EIF6: variants seen among roughly 807,000 people sequenced by gnomAD.
The protein encoded by EIF6 is eukaryotic translation initiation factor 6, also known as B4 integrin interactor.
EIF6 carries 10 observed loss-of-function variants against 25.5 expected under a neutral mutation model. The observed-to-expected ratio is 0.39, with a 90% CI of 0.24 to 0.66. The LOEUF (loss-of-function observed/expected upper bound fraction) is 0.66. Among genes scored for constraint, EIF6 ranks in the 30% least tolerant of loss-of-function variants. The pLI is 0.45. For missense variants in EIF6, 246 were observed against 315.4 expected (o/e 0.78, Z 1.67); for synonymous variants, 122 against 122.6 (o/e 1.00, Z 0.03).
intron 3 of EIF6, among the ~76,000 whole-genome samples, chr20:35,282,614 T>G (rs2060785869): frequency 6.6e-6 from 1 of 151,944 alleles, no homozygotes; most frequent in African/African-American, 2.4e-5. Flanking sequence ...TGTTTTTTGT[T>G]TTTTTTTGAG....
Position 35,279,715 on chromosome 20 carries a change from A to T in EIF6, c.579T>A (p.Ile193=), listed in dbSNP as rs369759438. 1 of 1,614,046 alleles carries T rather than the reference A, an allele frequency of 6.2e-7. No homozygotes were observed. Among genetic ancestry groups the T allele is most frequent in the Non-Finnish European group, 8.5e-7 (1 of 1,180,046 alleles). ...AGTCATTCACCACCATCCCAGCAGC[A>T]ATCACCTCACTGCCTCGGTTCACAG... ...AGTVNRGSEV[I]AAGMVVNDWC... Residue 193 remains isoleucine, a synonymous_variant, in exon 6 of 7, where the codon ATT becomes ATA. Coordinates refer to ENST00000374450, the MANE Select transcript of EIF6 (RefSeq NM_002212.4).
intron 3 of EIF6, among the ~76,000 whole-genome samples, chr20:35,281,688 C>T (rs559102188): frequency 6.6e-6 from 1 of 152,012 alleles, no homozygotes; most frequent in East Asian, 2.0e-4. Flanking sequence ...TCAGGTGATC[C>T]GCCCACCTCG....
In EIF6 at chr20:35,284,663, C is replaced by T. The variant is rs1271744288; in HGVS notation, c.-6+63G>A. 6.9e-6 allele frequency: 5 copies of T among 724,414 alleles called. 1 individual carries two copies. The South Asian group carries it at 7.4e-5, about 11-fold the overall frequency. 44.9% of individuals were successfully genotyped at this position (724,414 alleles called of 1,614,324 possible). A position where few individuals can be genotyped will look rare whatever the true frequency, so the allele number is the denominator to read the frequency against. ...GAACCTCCGGCCCTGAATCCTCTGG[C>T]CCCCACCCCTCCCGACCCAGGACCG... On this transcript the variant is annotated intron_variant, in intron 1 of 6. Coordinates refer to ENST00000374450, the MANE Select transcript of EIF6 (RefSeq NM_002212.4).
chr20:35,279,778 G>C, intron 5 of EIF6, 31 bp from the exon 6 acceptor site: 4 of 1,611,258 alleles, frequency 2.5e-6, no homozygotes, highest in Non-Finnish European at 3.4e-6. Flanking sequence ...TGTGAGTCAC[G>C]GCACCAAATT....
At chr20:35,283,018 G>A (rs1253266951) in intron 3 of EIF6, among the ~76,000 whole-genome samples, 1 of 152,174 alleles carries the variant, frequency 6.6e-6, no homozygotes, top group Non-Finnish European at 1.5e-5. Context: ...CCGGCCGGGC[G>A]CAGTGGCTCA....
chr20:35,281,857 A>G (rs1235347365), intron 3 of EIF6, among the ~76,000 whole-genome samples: 2 of 152,174 alleles, frequency 1.3e-5, no homozygotes, highest in Non-Finnish European at 2.9e-5. Context: ...CACTTTAGAT[A>G]ATTATCTGGC....
rs780929702 is a variant in EIF6, at chr20:35,280,809, C to A, written c.214G>T (p.Val72Leu). Residue 72 changes from valine (V) to leucine (L), a missense_variant, in exon 4 of 7, where the codon GTA (valine) becomes TTA (leucine). Physicochemically the swap from Val to Leu is conservative, Grantham distance 32. Coordinates refer to ENST00000374450, the MANE Select transcript of EIF6 (RefSeq NM_002212.4). ...MCVGNRHGLL[V>L]PNNTTDQELQ... ...TCCTGGTCGGTGGTATTGTTGGGTA[C>A]CAGGAGACCGTGCCTGTTCCCTGGA... The A allele has an allele frequency of 2.5e-6, 4 of 1,614,010 alleles. No homozygotes were observed. The highest frequency in any genetic ancestry group is 3.4e-6 in the Non-Finnish European group (4 of 1,179,984).
intron 4 of EIF6, 80 bp from the exon 5 acceptor site, chr20:35,280,198 G>T (rs1374725210): frequency 2.0e-6 from 3 of 1,502,354 alleles, no homozygotes; most frequent in Non-Finnish European, 2.7e-6. Context: ...GAAGCATCCA[G>T]GCCTTGGCTC....
Position 35,279,159 on chromosome 20 carries a change from C to G in EIF6, c.*38G>C. On this transcript the variant is annotated 3_prime_UTR_variant, in exon 7 of 7. Coordinates refer to ENST00000374450, the MANE Select transcript of EIF6 (RefSeq NM_002212.4). ...GAATGTGGAGAAGGTTGGCCACAGTCCAGAGCCAGGAGCCCATGGAACAAC... is the reference window on the plus strand; with the variant it reads ...GAATGTGGAGAAGGTTGGCCACAGTGCAGAGCCAGGAGCCCATGGAACAAC... 1 of 1,613,786 alleles carries G rather than the reference C, an allele frequency of 6.2e-7. No homozygotes were observed. The highest frequency in any genetic ancestry group is 8.5e-7 in the Non-Finnish European group (1 of 1,179,812).
rs951244585 is a variant in EIF6 at position 35,284,728 on chromosome 20, A to C, written c.-8T>G. 1.8e-6 allele frequency: 1 copy of C among 560,968 alleles called. No individual in the cohort carries two copies. The highest frequency in any genetic ancestry group is 3.1e-5 in the Admixed American group (1 of 31,746). 34.7% of individuals were successfully genotyped at this position (560,968 alleles called of 1,614,324 possible). On this transcript the variant is annotated splice_region_variant and 5_prime_UTR_variant, in exon 1 of 7. Transcript: ENST00000374450. ...AGGTTCCCCTCACACCAGCTTACCA[A>C]GTAACCAGTAACAAGCTCCGCACGC... is the stretch of plus-strand genomic sequence containing the variant.
intron 3 of EIF6, among the ~76,000 whole-genome samples, chr20:35,283,017 C>A (rs1048645070): frequency 6.6e-6 from 1 of 152,146 alleles, no homozygotes; most frequent in Non-Finnish European, 1.5e-5. Flanking sequence ...ACCGGCCGGG[C>A]GCAGTGGCTC....
chr20:35,282,615 T>C (rs1158625478), intron 3 of EIF6, among the ~76,000 whole-genome samples: 1 of 152,080 alleles, frequency 6.6e-6, no homozygotes, highest in Non-Finnish European at 1.5e-5. Context: ...GTTTTTTGTT[T>C]TTTTTTGAGA....
chr20:35,281,311 G>A (rs931705860), intron 3 of EIF6, among the ~76,000 whole-genome samples: 30 of 151,680 alleles, frequency 2.0e-4, no homozygotes, highest in South Asian at 6.2e-4. Context: ...GCGTGAACCC[G>A]GGAGGCGGAG....
rs748054112 is a variant in EIF6, at chr20:35,279,989, T to C, written c.499A>G (p.Ile167Val). 11 of 1,614,218 alleles carry C rather than the reference T, an allele frequency of 6.8e-6. No individual in the cohort carries two copies. The highest frequency in any genetic ancestry group is 5.5e-5 in the South Asian group (5 of 91,088). The change falls in exon 5 of 7, where the codon ATT becomes GTT. Residue 167 changes from isoleucine to valine, a missense_variant. Coordinates refer to ENST00000374450, the MANE Select transcript of EIF6 (RefSeq NM_002212.4). ...QGGLVHPKTS[I>V]EDQDELSSLL... ...GAGGACAGCTCATCCTGGTCTTCAA[T>C]TGAAGTCTTGGGATGCACCAGCCCT...
chr20:35,280,133 T>C lies in EIF6; in HGVS notation c.370-15A>G. 6.2e-7 allele frequency: 1 copy of C among 1,612,920 alleles called. No individual in the cohort carries two copies. Among genetic ancestry groups the C allele is most frequent in the Non-Finnish European group, 8.5e-7 (1 of 1,179,172 alleles). ...TCTTCTGTCTCCTGTCAATCAAAGA[T>C]ATTGTGTTCAGGGCTCAGAACTTAC... On this transcript the variant is annotated splice_polypyrimidine_tract_variant and intron_variant, in intron 4 of 6. Transcript: ENST00000374450.
intron 3 of EIF6, among the ~76,000 whole-genome samples, chr20:35,281,386 CAA>C (rs749142351): frequency 1.9e-5 from 2 of 107,184 alleles, no homozygotes. Flanking sequence ...ACTCCGTCTC[CAA>C]AAAAAAAAAA....
chr20:35,279,302 G>T, intron 6 of EIF6, 96 bp from the exon 7 acceptor site: 1 of 1,506,812 alleles, frequency 6.6e-7, no homozygotes, highest in Non-Finnish European at 9.1e-7. Flanking sequence ...CCCGGGACCA[G>T]CTCTGACAAG....
chr20:35,284,602 C>T, intron 1 of EIF6, 110 bp from the exon 2 acceptor site: 4 of 1,317,982 alleles, frequency 3.0e-6, no homozygotes, highest in South Asian at 2.8e-5. Context: ...CTCCCGGCCC[C>T]TCCGTCCTCG....
chr20:35,284,371 C>T lies in EIF6; in HGVS notation c.107+10G>A. ...CCCCGCCACCGTAAGCCCCGGGGCT[C>T]CCGCCGCACCTGTAGAAGTTCTCTG... On this transcript the variant is annotated intron_variant, in intron 2 of 6. Coordinates refer to ENST00000374450, the MANE Select transcript of EIF6 (RefSeq NM_002212.4). The T allele has an allele frequency of 3.7e-6, 6 of 1,613,918 alleles. No individual in the cohort carries two copies. The highest frequency in any genetic ancestry group is 2.2e-5 in the East Asian group (1 of 44,872).
Sources: allele counts gnomAD v4.1 joint callset (sites outside exome capture counted in the v4.1 genomes callset), GRCh38; gene constraint gnomAD v4.1.1; transcripts MANE v1.5; gene names NCBI Gene and HGNC (gene_info 2026-07-23, HGNC 2026-07-21).